Variants in NKAIN2 observed in about 807,000 individuals in gnomAD.
The protein encoded by NKAIN2 is sodium/potassium-transporting ATPase subunit beta-1-interacting protein 2.
NKAIN2 carries 14 observed loss-of-function variants against 32.6 expected under a neutral mutation model. The observed-to-expected ratio is 0.43, with a 90% CI of 0.28 to 0.67. The LOEUF is 0.67. NKAIN2 is among the 30% of genes least tolerant of loss of function. The pLI is 0.17. For missense variants in NKAIN2, 198 were observed against 258.3 expected (o/e 0.77, Z 1.60); for synonymous variants, 80 against 87.2 (o/e 0.92, Z 0.46).
At chr6:124,495,883 T>G (rs1272312624) in intron 3 of NKAIN2, among the ~76,000 whole-genome samples, 1 of 152,092 alleles carries the variant, frequency 6.6e-6, no homozygotes, top group Non-Finnish European at 1.5e-5. Context: ...AGCAGTGGCC[T>G]TTTGAGATGT....
At chr6:124,463,489 A>T (rs1254092915) in intron 3 of NKAIN2, among the ~76,000 whole-genome samples, 1 of 152,016 alleles carries the variant, frequency 6.6e-6, no homozygotes, top group African/African-American at 2.4e-5. Context: ...TATTCCCTAC[A>T]ACATAACACC....
At position 124,466,718 on chromosome 6, in the gene NKAIN2, AAG is replaced by A. The variant is rs530808177; in HGVS notation, c.273+111375_273+111376del. On this transcript the variant is annotated intron_variant, in intron 3 of 6. Transcript: ENST00000368417. Reference sequence around the variant, plus strand: ...TCTCCAAGTTACATATGGAGTCAAAAAGAGAATTTATTTAAGCTCAGAGTAAA... The same window carrying A: ...TCTCCAAGTTACATATGGAGTCAAAAAGAATTTATTTAAGCTCAGAGTAAA... 1.5e-3 allele frequency among the ~76,000 whole-genome samples: 219 copies of A among 150,766 alleles called. 2 individuals carry two copies. Among genetic ancestry groups the A allele is most frequent in the African/African-American group, 5.1e-3 (209 of 40,994 alleles).
intron 2 of NKAIN2, among the ~76,000 whole-genome samples, chr6:124,304,836 C>A (rs879771066): frequency 2.0e-5 from 3 of 152,094 alleles, no homozygotes; most frequent in Non-Finnish European, 4.4e-5. Flanking sequence ...CTCACTTAAA[C>A]CCAGGAGGTG....
At chr6:123,905,992 A>G (rs1774850199) in intron 1 of NKAIN2, among the ~76,000 whole-genome samples, 1 of 152,236 alleles carries the variant, frequency 6.6e-6, no homozygotes, top group African/African-American at 2.4e-5. Context: ...TTCAAGCAGT[A>G]TAATTTTTAA....
chr6:124,248,407 C>G (rs964369322), intron 1 of NKAIN2, among the ~76,000 whole-genome samples: 3 of 151,750 alleles, frequency 2.0e-5, no homozygotes, highest in African/African-American at 7.3e-5. Flanking sequence ...GTCTTCCTTC[C>G]CCCCCACCGA....
chr6:124,810,944 C>T (rs1042885391), intron 5 of NKAIN2, among the ~76,000 whole-genome samples: 5 of 151,116 alleles, frequency 3.3e-5, no homozygotes, highest in Non-Finnish European at 5.9e-5. Context: ...AGCTCAGAGT[C>T]CCTCCAGGGA....
chr6:123,865,551 T>A (rs1351901276), intron 1 of NKAIN2, among the ~76,000 whole-genome samples: 5 of 152,200 alleles, frequency 3.3e-5, no homozygotes, highest in Non-Finnish European at 7.3e-5. Flanking sequence ...TTTCACTTAT[T>A]TTTGTTATAT....
chr6:123,846,137 A>C (rs1390531722), intron 1 of NKAIN2, among the ~76,000 whole-genome samples: 1 of 152,162 alleles, frequency 6.6e-6, no homozygotes, highest in African/African-American at 2.4e-5. Flanking sequence ...AAAGTGTTAA[A>C]CTTGGAGCAG....
chr6:124,483,856 C>T (rs1777550946), intron 3 of NKAIN2, among the ~76,000 whole-genome samples: 1 of 151,572 alleles, frequency 6.6e-6, no homozygotes, highest in South Asian at 2.1e-4. Flanking sequence ...AACAAAATAC[C>T]TTTGTAATGA....
chr6:124,232,407 A>AT (rs1405890820), intron 1 of NKAIN2, among the ~76,000 whole-genome samples: 1 of 152,202 alleles, frequency 6.6e-6, no homozygotes, highest in African/African-American at 2.4e-5. Context: ...AGAACAAGCC[A>AT]TGAAAGATCA....
At chr6:124,673,926 T>C (rs79670117) in intron 4 of NKAIN2, among the ~76,000 whole-genome samples, 2 of 151,848 alleles carry the variant, frequency 1.3e-5, no homozygotes, top group Admixed American at 1.3e-4. Flanking sequence ...TTGTGCTTTT[T>C]ATTTCATATC....
chr6:123,857,728 T>G (rs1775610224), intron 1 of NKAIN2, among the ~76,000 whole-genome samples: 1 of 152,162 alleles, frequency 6.6e-6, no homozygotes, highest in African/African-American at 2.4e-5. Context: ...ATAACTGATT[T>G]CTTAGGAAAA....
At chr6:123,852,852 AG>A (rs1368846011) in intron 1 of NKAIN2, among the ~76,000 whole-genome samples, 1 of 152,184 alleles carries the variant, frequency 6.6e-6, no homozygotes, top group East Asian at 1.9e-4. Flanking sequence ...AAATCCAAAA[AG>A]AGGTGTTGTT....
chr6:124,677,374 AT>A, intron 4 of NKAIN2, among the ~76,000 whole-genome samples: 1 of 152,060 alleles, frequency 6.6e-6, no homozygotes, highest in Non-Finnish European at 1.5e-5. Flanking sequence ...TACTATTGCC[AT>A]TTTGTTAATT....
chr6:123,966,475 G>A (rs1283497240), intron 1 of NKAIN2, among the ~76,000 whole-genome samples: 3 of 152,224 alleles, frequency 2.0e-5, no homozygotes, highest in African/African-American at 4.8e-5. Flanking sequence ...CTATATATAT[G>A]TATTAAAGGC....
At chr6:123,847,720 A>T (rs1224102731) in intron 1 of NKAIN2, among the ~76,000 whole-genome samples, 1 of 152,076 alleles carries the variant, frequency 6.6e-6, no homozygotes, top group Non-Finnish European at 1.5e-5. Flanking sequence ...ATTACCTAAA[A>T]CTTTTCATTT....
intron 1 of NKAIN2, among the ~76,000 whole-genome samples, chr6:124,240,869 A>G (rs1793054456): frequency 6.6e-6 from 1 of 152,146 alleles, no homozygotes; most frequent in African/African-American, 2.4e-5. Flanking sequence ...CTCCTATTCA[A>G]CATAGTTGGA....
chr6:124,698,107 A>C (rs1417729975), intron 4 of NKAIN2, among the ~76,000 whole-genome samples: 1 of 152,094 alleles, frequency 6.6e-6, no homozygotes, highest in Non-Finnish European at 1.5e-5. Context: ...GGTGATTTCT[A>C]TTTTTCTTTA....
At chr6:124,731,136 T>C (rs1776644898) in intron 4 of NKAIN2, among the ~76,000 whole-genome samples, 1 of 122,308 alleles carries the variant, frequency 8.2e-6, no homozygotes, top group Non-Finnish European at 1.7e-5. Flanking sequence ...GTTCAACCAT[T>C]GTGGAAGTCA....
Sources: gnomAD v4.1 joint callset for allele counts (sites outside exome capture counted in the v4.1 genomes callset) on GRCh38, gnomAD v4.1.1 for gene constraint, MANE v1.5 for transcripts, NCBI Gene and HGNC (gene_info 2026-07-23, HGNC 2026-07-21) for gene names.